GRIA2: variants seen among roughly 807,000 people sequenced by gnomAD.
GRIA2 encodes the protein glutamate receptor 2.
Under a neutral mutation model 97.3 loss-of-function variants are expected in GRIA2, and 14 were observed. That is an observed-to-expected ratio of 0.14 (90% CI 0.10 to 0.23). The LOEUF (loss-of-function observed/expected upper bound fraction) is 0.23. Ranked by LOEUF, GRIA2 falls within the 10% of genes least tolerant of loss-of-function variation. The probability of loss-of-function intolerance (pLI) is 1.00; values close to 1 mark genes in which losing one functional copy is unlikely to be tolerated. For missense variants in GRIA2, 558 were observed against 1,069.8 expected, an observed-to-expected ratio of 0.52 and a Z score of 6.67; for synonymous variants, 412 against 387.8, an observed-to-expected ratio of 1.06 and a Z score of -0.73.
intron 2 of GRIA2, among the ~76,000 whole-genome samples, chr4:157,229,076 A>G (rs929954579): frequency 3.9e-5 from 6 of 152,168 alleles, no homozygotes; most frequent in African/African-American, 1.2e-4. Flanking sequence ...AATTTTAAAA[A>G]TGTACAGAAT....
chr4:157,279,851 G>A (rs1037880100), intron 2 of GRIA2, among the ~76,000 whole-genome samples: 3 of 152,096 alleles, frequency 2.0e-5, no homozygotes, highest in Non-Finnish European at 2.9e-5. Context: ...TCGCCTGGGC[G>A]TGGTGGCTCA....
At chr4:157,236,577 A>G (rs1730259083) in intron 2 of GRIA2, among the ~76,000 whole-genome samples, 1 of 152,110 alleles carries the variant, frequency 6.6e-6, no homozygotes, top group African/African-American at 2.4e-5. Flanking sequence ...TATGAGTGGA[A>G]TAACTTGTAG....
chr4:157,338,039 T>C (rs1220431780), intron 11 of GRIA2, among the ~76,000 whole-genome samples: 1 of 17,146 alleles, frequency 5.8e-5, no homozygotes, highest in African/African-American at 1.2e-4. Flanking sequence ...TATATATATA[T>C]ATATATATAT....
intron 2 of GRIA2, among the ~76,000 whole-genome samples, chr4:157,256,670 C>A (rs1351166652): frequency 6.6e-6 from 1 of 151,926 alleles, no homozygotes; most frequent in Non-Finnish European, 1.5e-5. Context: ...CTGGCCACTG[C>A]ATCTAGTCCA....
At position 157,341,128 on chromosome 4, in the gene GRIA2, C is replaced by G; in HGVS notation, c.1845-136C>G. The stretch of plus-strand genomic sequence containing the variant: ...CAAAATGTTTAATGATTTCCAGTTT[C>G]ATTAACTAGTAGATACATTGAAAAA... On this transcript the variant is annotated intron_variant, in intron 11 of 15. Coordinates refer to ENST00000264426, the MANE Select transcript of GRIA2 (RefSeq NM_001083619.3). 4.7e-6 allele frequency: 3 copies of G among 642,256 alleles called. No individual in the cohort carries two copies. The South Asian group carries it at 5.9e-5, about 13-fold the overall frequency. 39.8% of individuals were successfully genotyped at this position (642,256 alleles called of 1,614,324 possible).
chr4:157,291,270 T>C (rs974145452), intron 2 of GRIA2, among the ~76,000 whole-genome samples: 22 of 152,078 alleles, frequency 1.4e-4, no homozygotes, highest in African/African-American at 5.3e-4. Flanking sequence ...TCCCTCTCAA[T>C]GGTTTAGCTC....
intron 2 of GRIA2, among the ~76,000 whole-genome samples, chr4:157,243,913 T>A (rs1262881234): frequency 6.6e-6 from 1 of 151,098 alleles, no homozygotes; most frequent in East Asian, 2.0e-4. Context: ...AATGGGTGAA[T>A]GATAATAAAC....
At chr4:157,241,406 C>G (rs1189301016) in intron 2 of GRIA2, among the ~76,000 whole-genome samples, 1 of 152,028 alleles carries the variant, frequency 6.6e-6, no homozygotes, top group African/African-American at 2.4e-5. Flanking sequence ...TAAAGTCCAT[C>G]CTATTTAGGA....
intron 9 of GRIA2, 70 bp from the exon 10 acceptor site, chr4:157,335,601 A>G: frequency 1.1e-6 from 1 of 912,902 alleles, no homozygotes; most frequent in East Asian, 2.5e-5. Context: ...AAACCAGAAG[A>G]TTTGATTCAA....
At position 157,366,062 on chromosome 4, in the gene GRIA2, T is replaced by C. The variant is rs1736873470; in HGVS notation, c.*2631T>C. ...CTTCAATCATACATAAAACATGTTC[T>C]TACAAAAGGCAAAGATCTTTATTTT... On this transcript the variant is annotated 3_prime_UTR_variant, in exon 16 of 16. Transcript: ENST00000264426. 2.0e-5 allele frequency: 3 copies of C among 151,446 alleles called. No individual in the cohort carries two copies. The allele number at this position is 151,446 out of a possible 1,614,324, so 9.4% of individuals were successfully genotyped here. A position where few individuals can be genotyped will look rare whatever the true frequency, so the allele number is the denominator to read the frequency against.
chr4:157,266,920 T>C (rs913488402), intron 2 of GRIA2, among the ~76,000 whole-genome samples: 1 of 151,050 alleles, frequency 6.6e-6, no homozygotes, highest in South Asian at 2.1e-4. Flanking sequence ...ATTAGCTGAG[T>C]GTGGTGGTGT....
At chr4:157,251,341 C>T (rs1254014008) in intron 2 of GRIA2, among the ~76,000 whole-genome samples, 1 of 151,852 alleles carries the variant, frequency 6.6e-6, no homozygotes, top group Non-Finnish European at 1.5e-5. Flanking sequence ...ATAAGAGAAG[C>T]AGTATAATAC....
At chr4:157,359,361 A>G (rs1736536263) in intron 12 of GRIA2, among the ~76,000 whole-genome samples, 1 of 152,186 alleles carries the variant, frequency 6.6e-6, no homozygotes, top group South Asian at 2.1e-4. Flanking sequence ...ATATTCTTTT[A>G]AAAATCAGTG....
chr4:157,231,721 T>C (rs1171877332), intron 2 of GRIA2, among the ~76,000 whole-genome samples: 1 of 152,216 alleles, frequency 6.6e-6, no homozygotes, highest in Admixed American at 6.5e-5. Flanking sequence ...TTCTTGATAA[T>C]TGCTGACGGG....
chr4:157,293,285 ACT>A (rs1733188523), intron 2 of GRIA2, among the ~76,000 whole-genome samples: 1 of 152,178 alleles, frequency 6.6e-6, no homozygotes, highest in Non-Finnish European at 1.5e-5. Context: ...TAATCACAAA[ACT>A]CTGAACAATC....
intron 2 of GRIA2, among the ~76,000 whole-genome samples, chr4:157,267,999 GAC>G (rs1731847959): frequency 6.6e-6 from 1 of 151,978 alleles, no homozygotes; most frequent in African/African-American, 2.4e-5. Flanking sequence ...ATAATTAGAG[GAC>G]ACACACTGAA....
intron 2 of GRIA2, among the ~76,000 whole-genome samples, chr4:157,283,696 T>C (rs970381594): frequency 4.6e-5 from 7 of 151,954 alleles, no homozygotes; most frequent in Admixed American, 1.3e-4. Context: ...TAATTTTCCT[T>C]TGTGTTTTTC....
In GRIA2 at chr4:157,319,638, T is replaced by C. The variant is rs186260352; in HGVS notation, c.721-1800T>C. ...TTTACTGACATTCAAAATTAAACAA[T>C]GCCACCCGAAGTTGAAGGGCTTTCA... On this transcript the variant is annotated intron_variant, in intron 5 of 15. Coordinates refer to ENST00000264426, the MANE Select transcript of GRIA2 (RefSeq NM_001083619.3). Among the ~76,000 whole-genome samples, 46 of 152,268 alleles carry C rather than the reference T, an allele frequency of 3.0e-4. No homozygotes were observed. The East Asian group carries it at 5.8e-3, about 19-fold the overall frequency.
chr4:157,288,838 A>G (rs1175285270), intron 2 of GRIA2, among the ~76,000 whole-genome samples: 1 of 151,680 alleles, frequency 6.6e-6, no homozygotes, highest in Non-Finnish European at 1.5e-5. Flanking sequence ...TAATTTCTGG[A>G]TGTTTTGAGG....
Sources: gnomAD v4.1 joint callset for allele counts (sites outside exome capture counted in the v4.1 genomes callset) on GRCh38, gnomAD v4.1.1 for gene constraint, MANE v1.5 for transcripts, NCBI Gene and HGNC (gene_info 2026-07-23, HGNC 2026-07-21) for gene names.